WWOX: variants seen among roughly 807,000 people sequenced by gnomAD.
WWOX encodes the protein WW domain containing oxidoreductase.
Under a neutral mutation model 46.2 loss-of-function variants are expected in WWOX, and 69 were observed. That is an observed-to-expected ratio of 1.49 (90% confidence interval 1.23 to 1.82). WWOX has a LOEUF of 1.82. Ranked by LOEUF, WWOX falls within the 40% of genes most tolerant of loss-of-function variation. WWOX has a pLI of 0.00. For synonymous variants in WWOX, 359 were observed against 202.6 expected, an observed-to-expected ratio of 1.77 and a Z score of -6.56; for missense variants, 919 against 542.6, an observed-to-expected ratio of 1.69 and a Z score of -6.89.
chr16:78,378,454 G>T (rs963373089), intron 5 of WWOX, among the ~76,000 whole-genome samples: 9 of 152,288 alleles, frequency 5.9e-5, no homozygotes, highest in Admixed American at 2.6e-4. Flanking sequence ...GCATTTTCCA[G>T]TGAAGATGCG....
intron 8 of WWOX, among the ~76,000 whole-genome samples, chr16:78,540,343 G>C (rs1398396373): frequency 6.6e-6 from 1 of 151,778 alleles, no homozygotes; most frequent in African/African-American, 2.4e-5. Flanking sequence ...TCTGAGCTTT[G>C]GTTCTACACA....
chr16:78,750,649 T>C (rs1034568864), intron 8 of WWOX, among the ~76,000 whole-genome samples: 2 of 151,934 alleles, frequency 1.3e-5, no homozygotes, highest in East Asian at 1.9e-4. Flanking sequence ...CCCTCCCTAG[T>C]CCCCCCTTTT....
intron 8 of WWOX, among the ~76,000 whole-genome samples, chr16:78,542,680 A>C (rs2043927066): frequency 6.6e-6 from 1 of 152,244 alleles, no homozygotes; most frequent in Non-Finnish European, 1.5e-5. Flanking sequence ...AAAGACACAG[A>C]AACACATATT....
intron 5 of WWOX, among the ~76,000 whole-genome samples, chr16:78,266,411 T>C (rs951996255): frequency 3.3e-5 from 5 of 152,214 alleles, no homozygotes; most frequent in Non-Finnish European, 7.3e-5. Context: ...GGATGGAGAC[T>C]ATATGGCCCA....
intron 6 of WWOX, among the ~76,000 whole-genome samples, chr16:78,416,434 T>A (rs1224425600): frequency 6.6e-6 from 1 of 152,228 alleles, no homozygotes; most frequent in Non-Finnish European, 1.5e-5. Flanking sequence ...TTAATAGAGG[T>A]GACAAGTTTT....
At chr16:79,189,485 G>C (rs1365512814) in intron 8 of WWOX, among the ~76,000 whole-genome samples, 1 of 150,616 alleles carries the variant, frequency 6.6e-6, no homozygotes, top group Admixed American at 6.6e-5. Context: ...GTGTTTTGTA[G>C]AGACAGGGTC....
chr16:78,125,533 T>A (rs1305232628), intron 4 of WWOX, among the ~76,000 whole-genome samples: 1 of 152,146 alleles, frequency 6.6e-6, no homozygotes, highest in Non-Finnish European at 1.5e-5. Context: ...AAGGCAGATG[T>A]CATTTCCAGA....
At chr16:78,791,733 G>T (rs112588510) in intron 8 of WWOX, among the ~76,000 whole-genome samples, 1 of 152,022 alleles carries the variant, frequency 6.6e-6, no homozygotes, top group African/African-American at 2.4e-5. Flanking sequence ...CAAAAAATTA[G>T]CTGGGATTTG....
intron 8 of WWOX, among the ~76,000 whole-genome samples, chr16:78,632,216 T>G (rs2046449184): frequency 2.6e-5 from 4 of 152,168 alleles, no homozygotes; most frequent in Non-Finnish European, 5.9e-5. Context: ...CTGAGCTGTT[T>G]TTATATCTGT....
intron 8 of WWOX, among the ~76,000 whole-genome samples, chr16:78,452,698 A>G (rs976848131): frequency 2.7e-5 from 4 of 150,714 alleles, no homozygotes; most frequent in East Asian, 2.0e-4. Flanking sequence ...CTGGTATCGA[A>G]TTCCTGACCT....
chr16:78,192,903 G>C (rs1802295727), intron 5 of WWOX, among the ~76,000 whole-genome samples: 1 of 152,152 alleles, frequency 6.6e-6, no homozygotes, highest in Non-Finnish European at 1.5e-5. Flanking sequence ...TGGCGTATTG[G>C]CCACCTTTTG....
chr16:78,365,373 A>AT (rs2081511976), intron 5 of WWOX, among the ~76,000 whole-genome samples: 1 of 152,102 alleles, frequency 6.6e-6, no homozygotes, highest in South Asian at 2.1e-4. Context: ...GGTTCTGTTT[A>AT]TTGAGAAATA....
intron 8 of WWOX, among the ~76,000 whole-genome samples, chr16:78,790,650 G>C (rs1283087809): frequency 6.6e-6 from 1 of 152,056 alleles, no homozygotes; most frequent in East Asian, 1.9e-4. Flanking sequence ...CCCATGCCTT[G>C]GACATGAAAC....
chr16:78,635,920 T>A (rs554703116), intron 8 of WWOX, among the ~76,000 whole-genome samples: 34 of 152,266 alleles, frequency 2.2e-4, no homozygotes, highest in African/African-American at 8.2e-4. Flanking sequence ...CCTCGTATTA[T>A]ACAGAGCCAA....
At chr16:78,237,923 C>A (rs200075334) in intron 5 of WWOX, among the ~76,000 whole-genome samples, 1 of 152,168 alleles carries the variant, frequency 6.6e-6, no homozygotes, top group African/African-American at 2.4e-5. Context: ...TGATGTCCAA[C>A]AACAATTTTC....
chr16:78,644,798 C>T (rs906209286), intron 8 of WWOX, among the ~76,000 whole-genome samples: 3 of 152,144 alleles, frequency 2.0e-5, no homozygotes, highest in Middle Eastern at 3.2e-3. Flanking sequence ...ATATTTATTT[C>T]GTGACTATTA....
At chr16:79,076,402 T>C (rs73572914) in intron 8 of WWOX, among the ~76,000 whole-genome samples, 1,714 of 152,334 alleles carry the variant, frequency 0.011, 33 homozygotes, top group African/African-American at 0.039. Context: ...TTTTCCTTCA[T>C]GAGAATTTTC....
At chr16:78,210,450 C>G (rs1597355958) in intron 5 of WWOX, among the ~76,000 whole-genome samples, 1 of 152,120 alleles carries the variant, frequency 6.6e-6, no homozygotes, top group Middle Eastern at 3.2e-3. Context: ...AAGGCAAGTG[C>G]TAATTTACCC....
At chr16:79,048,543 T>C (rs2048108381) in intron 8 of WWOX, among the ~76,000 whole-genome samples, 1 of 152,150 alleles carries the variant, frequency 6.6e-6, no homozygotes. Flanking sequence ...TTGGTATCAA[T>C]TGTTTGGCTA....
Sources: gnomAD v4.1 joint callset for allele counts (sites outside exome capture counted in the v4.1 genomes callset) on GRCh38, gnomAD v4.1.1 for gene constraint, MANE v1.5 for transcripts, NCBI Gene and HGNC (gene_info 2026-07-23, HGNC 2026-07-21) for gene names.